The following CNTN5 variants were observed in gnomAD, a reference collection of about 807,000 sequenced individuals.
CNTN5 encodes the protein contactin-5.
Under a neutral mutation model 129.1 loss-of-function variants are expected in CNTN5, and 77 were observed. That is an observed-to-expected ratio of 0.60 (90% confidence interval 0.50 to 0.72). CNTN5 has a LOEUF of 0.72. Among genes scored for constraint, CNTN5 ranks in the 30% least tolerant of loss-of-function variants. The pLI is 0.00. For synonymous variants in CNTN5, 509 were observed against 465.6 expected (o/e 1.09, Z -1.20); for missense variants, 1,478 against 1,328.8 (o/e 1.11, Z -1.75).
chr11:100,344,381 G>A (rs895967105), intron 23 of CNTN5, among the ~76,000 whole-genome samples: 3 of 152,090 alleles, frequency 2.0e-5, no homozygotes, highest in Non-Finnish European at 4.4e-5. Context: ...TGTAATAAAT[G>A]ATTCTTTTGT....
At chr11:99,283,408 A>T (rs1459675596) in intron 1 of CNTN5, among the ~76,000 whole-genome samples, 2 of 152,042 alleles carry the variant, frequency 1.3e-5, no homozygotes, top group African/African-American at 4.8e-5. Context: ...GTGCACACAC[A>T]CATGCACACA....
At chr11:99,483,323 G>C (rs1423928702) in intron 2 of CNTN5, among the ~76,000 whole-genome samples, 1 of 152,018 alleles carries the variant, frequency 6.6e-6, no homozygotes, top group Non-Finnish European at 1.5e-5. Context: ...GCCATTCTTC[G>C]TGCGCAGTGG....
chr11:99,689,098 T>C (rs1290994255), intron 3 of CNTN5, among the ~76,000 whole-genome samples: 1 of 152,142 alleles, frequency 6.6e-6, no homozygotes, highest in African/African-American at 2.4e-5. Flanking sequence ...ATAGTACTAT[T>C]TGTATTACTT....
chr11:99,819,403 T>A, intron 3 of CNTN5, 141 bp from the exon 4 acceptor site: 1 of 652,958 alleles, frequency 1.5e-6, no homozygotes, highest in Non-Finnish European at 2.6e-6. Context: ...GTAACATTTT[T>A]TCACACTCTC....
At chr11:99,131,249 GA>G (rs71046664) in intron 1 of CNTN5, among the ~76,000 whole-genome samples, 7 of 67,188 alleles carry the variant, frequency 1.0e-4, no homozygotes, top group Non-Finnish European at 1.7e-4. Context: ...CTCCATCTCA[GA>G]AAAAAAAAAA....
intron 8 of CNTN5, among the ~76,000 whole-genome samples, chr11:99,976,911 G>A (rs1938012584): frequency 6.6e-6 from 1 of 152,080 alleles, no homozygotes; most frequent in Admixed American, 6.5e-5. Flanking sequence ...TTTATCTCAT[G>A]GTCAGGCTAC....
At chr11:99,639,271 C>A (rs1321488569) in intron 3 of CNTN5, among the ~76,000 whole-genome samples, 1 of 152,158 alleles carries the variant, frequency 6.6e-6, no homozygotes, top group African/African-American at 2.4e-5. Context: ...ACACAGAGAC[C>A]CTGGGCCTGG....
chr11:100,191,252 A>AGGTAAGACAGCACGG lies in CNTN5; in HGVS notation c.1708+1_1708+15dup. ...AAATTATAGCTTCGCTATCTGTAAA[A>AGGTAAGACAGCACGG]GGTAAGACAGCACGGGTAAATGTTT... On this transcript the variant is annotated inframe_insertion and splice_region_variant, in exon 14 of 25. Transcript: ENST00000524871. 1 of 1,611,168 alleles carries AGGTAAGACAGCACGG rather than the reference A, an allele frequency of 6.2e-7. No individual in the cohort carries two copies. The highest frequency in any genetic ancestry group is 8.5e-7 in the Non-Finnish European group (1 of 1,178,518).
intron 1 of CNTN5, among the ~76,000 whole-genome samples, chr11:99,115,835 G>T (rs556708119): frequency 6.6e-6 from 1 of 152,126 alleles, no homozygotes; most frequent in South Asian, 2.1e-4. Flanking sequence ...AGAGTGAGAA[G>T]CAAAGAAAGG....
chr11:100,167,817 T>A (rs1018056543), intron 13 of CNTN5, among the ~76,000 whole-genome samples: 16 of 152,048 alleles, frequency 1.1e-4, no homozygotes, highest in Admixed American at 5.2e-4. Context: ...AGAAGGCATG[T>A]CAAATGCCAA....
intron 16 of CNTN5, among the ~76,000 whole-genome samples, chr11:100,242,580 A>C (rs1339905543): frequency 1.3e-5 from 2 of 152,208 alleles, no homozygotes; most frequent in African/African-American, 4.8e-5. Flanking sequence ...AGCAGGAGTA[A>C]GAGAGTGATG....
chr11:99,095,394 G>T (rs1866429921), intron 1 of CNTN5, among the ~76,000 whole-genome samples: 1 of 151,872 alleles, frequency 6.6e-6, no homozygotes. Context: ...TGGTGAGAGT[G>T]ATAGATGTAT....
chr11:99,910,361 C>T (rs192554697), intron 6 of CNTN5, among the ~76,000 whole-genome samples: 2 of 152,124 alleles, frequency 1.3e-5, no homozygotes, highest in African/African-American at 4.8e-5. Context: ...ATCTTATTTG[C>T]TCTAGAGTGT....
intron 2 of CNTN5, among the ~76,000 whole-genome samples, chr11:99,473,522 G>A (rs1278666534): frequency 6.6e-6 from 1 of 151,714 alleles, no homozygotes; most frequent in African/African-American, 2.4e-5. Flanking sequence ...CTCTTCTATG[G>A]GAGTTAGATG....
intron 1 of CNTN5, among the ~76,000 whole-genome samples, chr11:99,318,534 T>G (rs2135989942): frequency 6.7e-6 from 1 of 150,352 alleles, no homozygotes; most frequent in South Asian, 2.1e-4. Flanking sequence ...TTCAAAAACT[T>G]TTGAGAATTA....
chr11:99,356,400 A>G (rs1938673951), intron 2 of CNTN5, among the ~76,000 whole-genome samples: 1 of 152,248 alleles, frequency 6.6e-6, no homozygotes, highest in African/African-American at 2.4e-5. Flanking sequence ...CACAGGTAAG[A>G]AAGTTGGCAT....
chr11:99,711,115 A>G (rs563606252), intron 3 of CNTN5, among the ~76,000 whole-genome samples: 1 of 151,988 alleles, frequency 6.6e-6, no homozygotes, highest in East Asian at 2.0e-4. Context: ...TCGTTTCAAA[A>G]CATTTTTGAT....
At chr11:99,524,490 G>T (rs150421797) in intron 2 of CNTN5, among the ~76,000 whole-genome samples, 1 of 152,208 alleles carries the variant, frequency 6.6e-6, no homozygotes, top group East Asian at 1.9e-4. Flanking sequence ...GCGAAATCAT[G>T]AAATAATACG....
intron 3 of CNTN5, among the ~76,000 whole-genome samples, chr11:99,673,226 G>C (rs1222066527): frequency 1.3e-5 from 2 of 152,170 alleles, no homozygotes; most frequent in Non-Finnish European, 2.9e-5. Context: ...GCTTTCGACA[G>C]ACAGCTGTGT....
Sources: allele counts gnomAD v4.1 joint callset (sites outside exome capture counted in the v4.1 genomes callset), GRCh38; gene constraint gnomAD v4.1.1; transcripts MANE v1.5; gene names NCBI Gene and HGNC (gene_info 2026-07-23, HGNC 2026-07-21).